BLTP1: variants seen among roughly 807,000 people sequenced by gnomAD.
BLTP1 encodes the protein fragile site-associated protein.
chr4:122,208,189 C>T, the BLTP1 span: 1 of 802,580 alleles, frequency 1.2e-6, no homozygotes, highest in South Asian at 5.7e-5. Context: ...ACTACATAGA[C>T]ACTATTCCAT....
chr4:122,226,464 G>A, the BLTP1 span: 1,918 of 1,250,698 alleles, frequency 1.5e-3, 1 homozygote, highest in Non-Finnish European at 1.8e-3. Context: ...AAATTTTTCA[G>A]TTGCAATTAG....
the BLTP1 span, chr4:122,244,619 G>A: frequency 7.1e-6 from 7 of 981,112 alleles, no homozygotes; most frequent in African/African-American, 3.5e-5. Context: ...GTGTAGAAGC[G>A]GTTGGGAAGA....
chr4:122,209,372 C>T, the BLTP1 span: 7 of 1,600,264 alleles, frequency 4.4e-6, no homozygotes, highest in Non-Finnish European at 6.0e-6. Flanking sequence ...AGGCCAGGCA[C>T]AGTGGCTCAC....
chr4:122,290,718 T>G, the BLTP1 span, among the ~76,000 whole-genome samples: 1 of 123,548 alleles, frequency 8.1e-6, no homozygotes, highest in African/African-American at 3.2e-5. Context: ...ACCTGGGAGG[T>G]GGAGCTTGCA....
At chr4:122,299,249 T>G in the BLTP1 span, 3 of 501,576 alleles carry the variant, frequency 6.0e-6, no homozygotes, top group African/African-American at 6.3e-5. Context: ...CACTTGGCAC[T>G]CAGTAAGCAC....
At chr4:122,207,197 A>G in the BLTP1 span, 2 of 1,612,148 alleles carry the variant, frequency 1.2e-6, no homozygotes, top group Non-Finnish European at 1.7e-6. Flanking sequence ...ATGTTTCATC[A>G]GTTTGAAATG....
At chr4:122,214,523 T>C in the BLTP1 span, 6 of 950,434 alleles carry the variant, frequency 6.3e-6, no homozygotes, top group African/African-American at 8.9e-5. Flanking sequence ...TTATTAATCT[T>C]AAAGTACCAT....
chr4:122,202,670 C>A, the BLTP1 span: 1 of 264,196 alleles, frequency 3.8e-6, no homozygotes, highest in Non-Finnish European at 5.8e-6. Context: ...CATTTCCCAT[C>A]TTTAGACTCT....
At chr4:122,247,555 C>T in the BLTP1 span, 20 of 1,068,310 alleles carry the variant, frequency 1.9e-5, no homozygotes, top group Admixed American at 2.4e-4. Context: ...AGAAAATAAA[C>T]TTTGGTAAGA....
At chr4:122,307,595 G>GT in the BLTP1 span, 1 of 985,232 alleles carries the variant, frequency 1.0e-6, no homozygotes, top group Non-Finnish European at 1.2e-6. Flanking sequence ...TTTAAAAGAA[G>GT]TAACAGCTCT....
chr4:122,177,800 G>A, the BLTP1 span: 1 of 152,078 alleles, frequency 6.6e-6, no homozygotes, highest in Admixed American at 6.6e-5. Flanking sequence ...CTTTTGTAAA[G>A]CAGCACCCTC....
chr4:122,251,228 T>C, the BLTP1 span: 17 of 750,912 alleles, frequency 2.3e-5, no homozygotes, highest in East Asian at 1.3e-4. Context: ...GTAATACATA[T>C]GAAGGGCTTA....
At chr4:122,315,668 A>G in the BLTP1 span, 16 of 1,614,018 alleles carry the variant, frequency 9.9e-6, no homozygotes, top group South Asian at 5.5e-5. Flanking sequence ...AGTTGATACT[A>G]TGTCTCCCAC....
chr4:122,243,298 G>T, the BLTP1 span: 1 of 618,848 alleles, frequency 1.6e-6, no homozygotes, highest in Non-Finnish European at 2.0e-6. Flanking sequence ...TGACTAATAA[G>T]ACTTCAGTAT....
chr4:122,260,086 G>T, the BLTP1 span: 2 of 219,596 alleles, frequency 9.1e-6, no homozygotes, highest in East Asian at 3.7e-4. Flanking sequence ...CACAAACCTA[G>T]ATGATGGTAC....
chr4:122,223,143 A>G, the BLTP1 span: 4 of 971,042 alleles, frequency 4.1e-6, no homozygotes, highest in Non-Finnish European at 4.9e-6. Context: ...GATGAAAATA[A>G]AATGAAAATT....
At chr4:122,180,347 A>G in the BLTP1 span, among the ~76,000 whole-genome samples, 66 of 152,212 alleles carry the variant, frequency 4.3e-4, no homozygotes, top group Admixed American at 3.9e-4. Context: ...CTAGTCATGT[A>G]AATTATATAT....
the BLTP1 span, chr4:122,214,685 T>C: frequency 7.3e-6 from 2 of 272,776 alleles, no homozygotes; most frequent in African/African-American, 2.6e-5. Context: ...GGCATGGTCA[T>C]GGTTCACTGC....
chr4:122,232,208 C>A, the BLTP1 span: 11 of 719,526 alleles, frequency 1.5e-5, no homozygotes, highest in Non-Finnish European at 1.7e-5. Flanking sequence ...GTTACAATTT[C>A]ATGGATGCTG....
Sources: allele counts gnomAD v4.1 joint callset (sites outside exome capture counted in the v4.1 genomes callset), GRCh38; gene constraint gnomAD v4.1.1; transcripts MANE v1.5; gene names NCBI Gene and HGNC (gene_info 2026-07-23, HGNC 2026-07-21).